The following RUVBL2 variants were observed in gnomAD, a reference collection of about 807,000 sequenced individuals.
RUVBL2 encodes the protein RuvB like AAA ATPase 2, also known as ruvB-like 2.
In RUVBL2, 9 loss-of-function variants were observed where a neutral mutation model predicts 57.9. The ratio of observed to expected loss-of-function variants is 0.16; its 90% CI spans 0.09 to 0.27. RUVBL2 has a LOEUF of 0.27. Ranked by LOEUF, RUVBL2 falls within the 10% of genes least tolerant of loss-of-function variation. The pLI, the probability that RUVBL2 is intolerant of heterozygous loss-of-function variation, is 1.00. For missense variants in RUVBL2, 456 were observed against 669.6 expected (o/e 0.68, Z 3.52); for synonymous variants, 278 against 264.6 (o/e 1.05, Z -0.49).
At chr19:49,003,462 T>A in intron 3 of RUVBL2, 128 bp downstream of exon 3, 1 of 782,300 alleles carries the variant, frequency 1.3e-6, no homozygotes. Flanking sequence ...ACCCATAAAC[T>A]TCAACCACAT....
intron 2 of RUVBL2, among the ~76,000 whole-genome samples, chr19:48,999,943 G>A (rs1048401082): frequency 6.6e-6 from 1 of 152,170 alleles, no homozygotes; most frequent in Non-Finnish European, 1.5e-5. Flanking sequence ...AGCAGGGTGC[G>A]CTCTCACAAA....
chr19:49,012,076 C>T (rs1265018133), intron 11 of RUVBL2, among the ~76,000 whole-genome samples: 1 of 152,160 alleles, frequency 6.6e-6, no homozygotes, highest in Non-Finnish European at 1.5e-5. Context: ...ACAGGCTGCA[C>T]CCCAACCTTG....
At position 49,009,723 on chromosome 19, in the gene RUVBL2, G is replaced by A. The variant is rs2039367400; in HGVS notation, c.463-53G>A. The A allele has an allele frequency of 2.7e-6, 4 of 1,499,700 alleles. No homozygotes were observed. The Admixed American group carries it at 6.7e-5, about 25-fold the overall frequency. The allele number at this position is 1,499,700 out of a possible 1,614,324, so 92.9% of individuals were successfully genotyped here. A position where few individuals can be genotyped will look rare whatever the true frequency, so the allele number is the denominator to read the frequency against. On this transcript the variant is annotated intron_variant, in intron 6 of 14. Transcript: ENST00000595090. ...AGCTTATCAACACTGGGGGCACTGG[G>A]GCAACATCAGGGCCCTCTCTGAGCC... is the stretch of plus-strand genomic sequence containing the variant.
intron 1 of RUVBL2, among the ~76,000 whole-genome samples, chr19:48,996,208 T>G (rs2039056288): frequency 6.6e-6 from 1 of 151,976 alleles, no homozygotes; most frequent in Non-Finnish European, 1.5e-5. Flanking sequence ...GTGGCCTCGG[T>G]TAGCATGCTA....
At position 49,015,958 on chromosome 19, in the gene RUVBL2, C is replaced by A; in HGVS notation, c.*116C>A. 6.2e-7 allele frequency: 1 copy of A among 1,614,210 alleles called. No homozygotes were observed. Among genetic ancestry groups the A allele is most frequent in the Non-Finnish European group, 8.5e-7 (1 of 1,180,036 alleles). ...CTGTGTATGTGTGGTTGCCCTGAGCCCACAGAAAGACACCTCCAGAGTGCG... is the reference window on the plus strand; with the variant it reads ...CTGTGTATGTGTGGTTGCCCTGAGCACACAGAAAGACACCTCCAGAGTGCG... On this transcript the variant is annotated 3_prime_UTR_variant, in exon 15 of 15. Coordinates refer to ENST00000595090, the MANE Select transcript of RUVBL2 (RefSeq NM_006666.3).
chr19:49,010,467 T>TGCGCCC, intron 8 of RUVBL2, 21 bp from the exon 9 acceptor site: 3 of 1,401,208 alleles, frequency 2.1e-6, no homozygotes, highest in Non-Finnish European at 3.0e-6. Context: ...CCGCCGTTCT[T>TGCGCCC]CCCCCACCCC....
chr19:49,002,783 C>G (rs991346510), intron 2 of RUVBL2, among the ~76,000 whole-genome samples: 3 of 152,108 alleles, frequency 2.0e-5, no homozygotes, highest in African/African-American at 7.2e-5. Flanking sequence ...CAGGGTTTCA[C>G]CATGTTGGCC....
At chr19:48,997,008 C>G (rs1331533166) in intron 1 of RUVBL2, among the ~76,000 whole-genome samples, 1 of 151,602 alleles carries the variant, frequency 6.6e-6, no homozygotes. Context: ...ATAGAATTCA[C>G]GTACTACATA....
chr19:49,010,619 C>T lies in RUVBL2; in HGVS notation c.787+8C>T. 1 of 1,613,302 alleles carries T rather than the reference C, an allele frequency of 6.2e-7. No homozygotes were observed. Among genetic ancestry groups the T allele is most frequent in the Non-Finnish European group, 8.5e-7 (1 of 1,179,868 alleles). ...TCCTGGCGCTCTTCTCAGGTGAGGC[C>T]CCTCCTGCCCTGCCCTGCCCTGCCC... On this transcript the variant is annotated splice_region_variant and intron_variant, in intron 9 of 14. Transcript: ENST00000595090.
chr19:49,010,308 G>A (rs373348582), intron 8 of RUVBL2, 180 bp from the exon 9 acceptor site: 81 of 706,392 alleles, frequency 1.1e-4, no homozygotes, highest in Admixed American at 1.9e-4. Flanking sequence ...GACCCTCAGC[G>A]CTCTGGAATG....
At chr19:49,006,191 G>A (rs996037309) in intron 4 of RUVBL2, among the ~76,000 whole-genome samples, 16 of 152,376 alleles carry the variant, frequency 1.1e-4, no homozygotes, top group African/African-American at 3.6e-4. Context: ...TTGTGTATCC[G>A]CAAAGAGGAC....
At chr19:49,007,993 CA>C (rs1310876279) in intron 6 of RUVBL2, among the ~76,000 whole-genome samples, 1 of 150,120 alleles carries the variant, frequency 6.7e-6, no homozygotes, top group African/African-American at 2.4e-5. Context: ...AGCCGTGAGC[CA>C]CCATACCTGG....
intron 8 of RUVBL2, chr19:49,010,276 A>G (rs2042250): frequency 0.94 from 642,289 of 680,048 alleles, 303,387 homozygotes; most frequent in South Asian, 0.98. Flanking sequence ...TGTGGCTTCT[A>G]AGGTCCTCCG....
At chr19:49,006,373 G>A (rs977512012) in intron 4 of RUVBL2, among the ~76,000 whole-genome samples, 8 of 152,254 alleles carry the variant, frequency 5.3e-5, no homozygotes, top group African/African-American at 7.2e-5. Flanking sequence ...CCAGGCCACC[G>A]GCGGTAGAGC....
chr19:49,006,080 T>C lies in RUVBL2; in HGVS notation c.266-938T>C, dbSNP rs1228034674. 2.6e-5 allele frequency among the ~76,000 whole-genome samples: 4 copies of C among 152,156 alleles called. No individual in the cohort carries two copies. In the East Asian group the frequency reaches 7.7e-4, roughly 29 times the overall value. On this transcript the variant is annotated intron_variant, in intron 4 of 14. Coordinates refer to ENST00000595090, the MANE Select transcript of RUVBL2 (RefSeq NM_006666.3). Reference sequence around the variant, plus strand: ...CTGGCGGGGACGCTTCTTAGTCTAGTGAAAGAGGCAGAGAGGACCCCTGGT... The same window carrying C: ...CTGGCGGGGACGCTTCTTAGTCTAGCGAAAGAGGCAGAGAGGACCCCTGGT...
chr19:49,015,162 G>A lies in RUVBL2; in HGVS notation c.1251+12G>A, dbSNP rs372164319. ...GCCGGAAACGCAAGGTCAGCCGGCC[G>A]AATTAGCCAGCAGGGCCAGATGGCG... is the stretch of plus-strand genomic sequence containing the variant. On this transcript the variant is annotated intron_variant, in intron 13 of 14. Coordinates refer to ENST00000595090, the MANE Select transcript of RUVBL2 (RefSeq NM_006666.3). 31 of 1,602,860 alleles carry A rather than the reference G, an allele frequency of 1.9e-5. No homozygotes were observed. The highest frequency in any genetic ancestry group is 3.3e-4 in the Middle Eastern group (2 of 6,062).
chr19:49,010,734 G>A (rs1013008952), intron 9 of RUVBL2, 123 bp downstream of exon 9: 88 of 1,398,322 alleles, frequency 6.3e-5, no homozygotes, highest in Admixed American at 3.7e-4. Flanking sequence ...CTGTAACTCC[G>A]GCCCGTGGCT....
At chr19:49,007,446 C>G (rs985052739) in intron 6 of RUVBL2, 78 bp downstream of exon 6, 1 of 1,310,748 alleles carries the variant, frequency 7.6e-7, no homozygotes, top group Admixed American at 2.0e-5. Context: ...CAGGTCTGCA[C>G]TGAGGTCAGA....
intron 3 of RUVBL2, 50 bp downstream of exon 3, chr19:49,003,384 G>A (rs754454277): frequency 7.0e-6 from 11 of 1,562,298 alleles, no homozygotes; most frequent in Non-Finnish European, 8.8e-6. Flanking sequence ...AAGGTCTTGG[G>A]TAGTGGGTAC....
Sources: gnomAD v4.1 joint callset for allele counts (sites outside exome capture counted in the v4.1 genomes callset) on GRCh38, gnomAD v4.1.1 for gene constraint, MANE v1.5 for transcripts, NCBI Gene and HGNC (gene_info 2026-07-23, HGNC 2026-07-21) for gene names.